Variants in RTL4 observed in about 807,000 individuals in gnomAD.
The protein encoded by RTL4 is retrotransposon Gag like 4, also known as retrotransposon Gag-like protein 4.
RTL4 carries 4 observed loss-of-function variants against 5.3 expected under a neutral mutation model. The ratio of observed to expected loss-of-function variants is 0.75; its 90% CI spans 0.37 to 1.72. RTL4 has a LOEUF of 1.72. Among genes scored for constraint, RTL4 ranks in the 40% most tolerant of loss-of-function variants. The pLI, the probability that RTL4 is intolerant of heterozygous loss-of-function variation, is 0.04. For synonymous variants in RTL4, 98 were observed against 87.3 expected, an observed-to-expected ratio of 1.12 and a Z score of -0.68; for missense variants, 260 against 227.1, an observed-to-expected ratio of 1.14 and a Z score of -0.93.
the RTL4 span, among the ~76,000 whole-genome samples, chrX:112,212,170 A>G: frequency 9.0e-6 from 1 of 111,718 alleles, no homozygotes; most frequent in Non-Finnish European, 1.9e-5. Flanking sequence ...AGGTCGGGAG[A>G]TCAAGACCAT....
the RTL4 span, among the ~76,000 whole-genome samples, chrX:112,090,784 C>T: frequency 1.8e-5 from 2 of 110,637 alleles, no homozygotes; most frequent in East Asian, 5.7e-4. Flanking sequence ...GAAGTATCCT[C>T]TCCTATTAAA....
At chrX:112,143,365 T>C in the RTL4 span, among the ~76,000 whole-genome samples, 2 of 111,212 alleles carry the variant, frequency 1.8e-5, no homozygotes, top group East Asian at 2.8e-4. Context: ...ATAGAAAATA[T>C]AAAGCAAGCT....
chrX:112,199,545 C>T, the RTL4 span, among the ~76,000 whole-genome samples: 1 of 111,239 alleles, frequency 9.0e-6, no homozygotes, highest in African/African-American at 3.3e-5. Context: ...CTCATTCTAT[C>T]TCCCCTTTCT....
At chrX:112,119,581 G>A in the RTL4 span, among the ~76,000 whole-genome samples, 1 of 111,450 alleles carries the variant, frequency 9.0e-6, no homozygotes, top group African/African-American at 3.3e-5. Context: ...TATGAAAGGA[G>A]GAAAAAATTG....
At chrX:112,305,961 G>A in the RTL4 span, among the ~76,000 whole-genome samples, 2 of 111,619 alleles carry the variant, frequency 1.8e-5, no homozygotes, top group Admixed American at 1.9e-4. Context: ...ATCACCTGGA[G>A]TAGCCCGTCC....
chrX:112,113,128 C>A, the RTL4 span, among the ~76,000 whole-genome samples: 3 of 111,260 alleles, frequency 2.7e-5, no homozygotes, highest in East Asian at 8.5e-4. Context: ...CCTTTATGAG[C>A]TTCAGGCCTT....
the RTL4 span, among the ~76,000 whole-genome samples, chrX:112,165,209 A>T: frequency 8.9e-6 from 1 of 112,374 alleles, no homozygotes; most frequent in Non-Finnish European, 1.9e-5. Context: ...GCATATTTCC[A>T]TCCTTCTAAG....
the RTL4 span, among the ~76,000 whole-genome samples, chrX:112,335,272 A>G: frequency 1.8e-5 from 2 of 110,604 alleles, no homozygotes; most frequent in Non-Finnish European, 3.8e-5. Context: ...TTTTTTGGAG[A>G]TTATGTTTAT....
At chrX:112,241,408 C>T in the RTL4 span, among the ~76,000 whole-genome samples, 2 of 111,842 alleles carry the variant, frequency 1.8e-5, no homozygotes, top group East Asian at 5.6e-4. Flanking sequence ...GATGGTATCT[C>T]ATTGTGGTTT....
chrX:112,237,488 T>C, the RTL4 span, among the ~76,000 whole-genome samples: 1 of 112,251 alleles, frequency 8.9e-6, no homozygotes, highest in African/African-American at 3.2e-5. Flanking sequence ...ATGAGGGAAG[T>C]ATTGTAGCCA....
At chrX:112,436,231 A>G in the RTL4 span, among the ~76,000 whole-genome samples, 1 of 110,942 alleles carries the variant, frequency 9.0e-6, no homozygotes, top group African/African-American at 3.3e-5. Context: ...CAAAACAAAA[A>G]AAAAAAACTA....
At chrX:112,416,317 G>A in the RTL4 span, among the ~76,000 whole-genome samples, 2 of 111,759 alleles carry the variant, frequency 1.8e-5, no homozygotes, top group African/African-American at 3.3e-5. Context: ...CAGGAGTTAG[G>A]ACTTCAATAT....
At chrX:112,234,230 T>G in the RTL4 span, among the ~76,000 whole-genome samples, 1 of 110,731 alleles carries the variant, frequency 9.0e-6, no homozygotes, top group African/African-American at 3.3e-5. Context: ...AATAAAAACT[T>G]TCTGCAACAC....
At chrX:112,358,098 T>C in the RTL4 span, among the ~76,000 whole-genome samples, 2 of 111,094 alleles carry the variant, frequency 1.8e-5, no homozygotes, top group Non-Finnish European at 3.8e-5. Flanking sequence ...TTTCTTTCTT[T>C]CTTTTTTACT....
At chrX:112,099,890 T>C in the RTL4 span, among the ~76,000 whole-genome samples, 4 of 111,141 alleles carry the variant, frequency 3.6e-5, no homozygotes, top group Non-Finnish European at 1.9e-5. Context: ...ATATTTGAGG[T>C]AGGATTGACA....
the RTL4 span, among the ~76,000 whole-genome samples, chrX:112,132,527 A>G: frequency 2.0e-4 from 22 of 111,633 alleles, no homozygotes; most frequent in Non-Finnish European, 4.1e-4. Context: ...ATACATACAT[A>G]CATACAAATT....
chrX:112,218,176 A>G, the RTL4 span, among the ~76,000 whole-genome samples: 9 of 112,228 alleles, frequency 8.0e-5, no homozygotes, highest in South Asian at 3.7e-4. Flanking sequence ...ACTTAGTAAT[A>G]GTAGTAACTT....
chrX:112,381,233 G>A, the RTL4 span, among the ~76,000 whole-genome samples: 19 of 111,657 alleles, frequency 1.7e-4, no homozygotes, highest in African/African-American at 5.2e-4. Flanking sequence ...CACAGTTGCC[G>A]TGACCTTCAG....
the RTL4 span, among the ~76,000 whole-genome samples, chrX:112,448,275 G>C: frequency 8.9e-6 from 1 of 112,213 alleles, no homozygotes; most frequent in Admixed American, 9.4e-5. Flanking sequence ...GAAACAGCAT[G>C]TACTCTTTGA....
Sources: allele counts gnomAD v4.1 joint callset (sites outside exome capture counted in the v4.1 genomes callset), GRCh38; gene constraint gnomAD v4.1.1; transcripts MANE v1.5; gene names NCBI Gene and HGNC (gene_info 2026-07-23, HGNC 2026-07-21).